The following ATXN10 variants were observed in gnomAD, a reference collection of about 807,000 sequenced individuals.
ATXN10 encodes the protein ataxin 10.
ATXN10 carries 28 observed loss-of-function variants against 52.9 expected under a neutral mutation model. The ratio of observed to expected loss-of-function variants is 0.53; its 90% CI spans 0.39 to 0.73. The LOEUF (loss-of-function observed/expected upper bound fraction) is 0.73, where lower values mean the gene tolerates loss of function less well. Ranked by LOEUF, ATXN10 falls within the 30% of genes least tolerant of loss-of-function variation. The pLI, the probability that ATXN10 is intolerant of heterozygous loss-of-function variation, is 0.00. For synonymous variants in ATXN10, 226 were observed against 221.5 expected (o/e 1.02, Z -0.18); for missense variants, 565 against 577.0 (o/e 0.98, Z 0.21).
At chr22:45,753,218 G>T (rs1003045341) in intron 9 of ATXN10, among the ~76,000 whole-genome samples, 9 of 122,548 alleles carry the variant, frequency 7.3e-5, no homozygotes, top group African/African-American at 1.9e-4. Flanking sequence ...TTTTCCCAGT[G>T]ATTTTTTTTT....
intron 3 of ATXN10, among the ~76,000 whole-genome samples, chr22:45,697,634 A>G (rs1302709161): frequency 6.6e-6 from 1 of 151,726 alleles, no homozygotes; most frequent in Non-Finnish European, 1.5e-5. Flanking sequence ...GTTTTTATTT[A>G]TTTATTTATT....
chr22:45,748,262 A>T (rs1220831436), intron 9 of ATXN10, among the ~76,000 whole-genome samples: 1 of 152,074 alleles, frequency 6.6e-6, no homozygotes, highest in Non-Finnish European at 1.5e-5. Flanking sequence ...CCTCCCTACC[A>T]GTCCCTTTGG....
chr22:45,702,381 A>G (rs1923874019), intron 4 of ATXN10, among the ~76,000 whole-genome samples: 1 of 152,160 alleles, frequency 6.6e-6, no homozygotes, highest in South Asian at 2.1e-4. Context: ...TTTTCTTTCT[A>G]ACAAGAATGA....
At chr22:45,779,741 G>A (rs1267828507) in intron 9 of ATXN10, among the ~76,000 whole-genome samples, 3 of 152,204 alleles carry the variant, frequency 2.0e-5, no homozygotes, top group Non-Finnish European at 4.4e-5. Flanking sequence ...ACAAGAAAGC[G>A]AAGACTTGAA....
At chr22:45,722,958 A>G (rs62225967) in intron 6 of ATXN10, among the ~76,000 whole-genome samples, 17 of 152,038 alleles carry the variant, frequency 1.1e-4, no homozygotes, top group Non-Finnish European at 1.8e-4. Context: ...TTCATTACCT[A>G]TTCAAGAAAT....
intron 9 of ATXN10, among the ~76,000 whole-genome samples, chr22:45,760,214 TCC>T (rs1285072598): frequency 6.6e-6 from 1 of 152,270 alleles, no homozygotes; most frequent in Non-Finnish European, 1.5e-5. Context: ...CAGATGACAT[TCC>T]CTATCTTCAT....
chr22:45,812,226 A>C (rs1432716492), intron 10 of ATXN10, among the ~76,000 whole-genome samples: 3 of 152,116 alleles, frequency 2.0e-5, no homozygotes, highest in African/African-American at 7.2e-5. Context: ...TCAGCTCATC[A>C]CAGGTTATTG....
At position 45,820,613 on chromosome 22, in the gene ATXN10, A is replaced by AT. The variant is rs2146899534; in HGVS notation, c.1237+13592dup. Among the ~76,000 whole-genome samples, 1 of 152,362 alleles carries AT rather than the reference A, an allele frequency of 6.6e-6. No homozygotes were observed. Among genetic ancestry groups the AT allele is most frequent in the East Asian group, 1.9e-4 (1 of 5,192 alleles). ...ACATTATCCCTTCATTGGAGAAAGT[A>AT]TAAAAATAAAGCTAACTTTTAGATG... On this transcript the variant is annotated intron_variant, in intron 10 of 11. Coordinates refer to ENST00000252934, the MANE Select transcript of ATXN10 (RefSeq NM_013236.4). The surrounding 1 kb of genome is among the most constrained non-coding windows in gnomAD (Gnocchi z 4.9).
Position 45,685,317 on chromosome 22 carries a change from T to C in ATXN10, c.117-4395T>C, listed in dbSNP as rs112008871. ...ATAATTCAAAGGATTTTTTTGGTTC[T>C]GTAATGTAACATTTCATTTATACAT... On this transcript the variant is annotated intron_variant, in intron 1 of 11. Transcript: ENST00000252934. Among the ~76,000 whole-genome samples the C allele has an allele frequency of 1.7e-3, 262 of 152,358 alleles. 1 individual carries two copies. The highest frequency in any genetic ancestry group is 5.6e-3 in the African/African-American group (232 of 41,596).
At chr22:45,751,259 C>T (rs1925936916) in intron 9 of ATXN10, among the ~76,000 whole-genome samples, 1 of 152,162 alleles carries the variant, frequency 6.6e-6, no homozygotes, top group South Asian at 2.1e-4. Context: ...ACTTTGTACA[C>T]CTCTTAACCC....
rs965400365 is a variant in ATXN10, at chr22:45,681,409, T to G, written c.117-8303T>G. Reference sequence around the variant, plus strand: ...TAGGGCCCTTGCTTCATCAAGTCTTTAACCTCACCAGGACCTACAGTCTTT... The same window carrying G: ...TAGGGCCCTTGCTTCATCAAGTCTTGAACCTCACCAGGACCTACAGTCTTT... On this transcript the variant is annotated intron_variant, in intron 1 of 11. Coordinates refer to ENST00000252934, the MANE Select transcript of ATXN10 (RefSeq NM_013236.4). The surrounding 1 kb of genome is among the most constrained non-coding windows in gnomAD (Gnocchi z 4.2). 6.6e-6 allele frequency among the ~76,000 whole-genome samples: 1 copy of G among 152,186 alleles called. No individual in the cohort carries two copies. The highest frequency in any genetic ancestry group is 1.9e-4 in the East Asian group (1 of 5,184).
chr22:45,767,040 C>T (rs1191553060), intron 9 of ATXN10, among the ~76,000 whole-genome samples: 5 of 152,148 alleles, frequency 3.3e-5, no homozygotes, highest in African/African-American at 1.2e-4. Context: ...AAAATGGAGC[C>T]GTCTTCGTAG....
chr22:45,800,140 TAAA>T (rs1927883153), intron 9 of ATXN10, among the ~76,000 whole-genome samples: 1 of 152,202 alleles, frequency 6.6e-6, no homozygotes, highest in African/African-American at 2.4e-5. Flanking sequence ...TCATCTATAT[TAAA>T]AAGTCAATGC....
rs75911901 is a variant in ATXN10 at position 45,790,482 on chromosome 22, C to T, written c.1174-16477C>T. ...TGTCTCCAGAAACCAATACTTCTTA[C>T]TTGTTGCCAACTAGCAGACCATAGC... On this transcript the variant is annotated intron_variant, in intron 9 of 11. Coordinates refer to ENST00000252934, the MANE Select transcript of ATXN10 (RefSeq NM_013236.4). This position sits in a 1 kb window ranked among gnomAD's most constrained non-coding sequence, Gnocchi z 4.7. Among the ~76,000 whole-genome samples, 1,424 of 152,334 alleles carry T rather than the reference C, an allele frequency of 9.3e-3. 11 individuals are homozygous for T. Among genetic ancestry groups the T allele is most frequent in the Middle Eastern group, 0.027 (8 of 294 alleles).
Position 45,769,172 on chromosome 22 carries a change from GTTGTTA to G in ATXN10, c.1173+28640_1173+28645del, listed in dbSNP as rs1318686798. On this transcript the variant is annotated intron_variant, in intron 9 of 11. Coordinates refer to ENST00000252934, the MANE Select transcript of ATXN10 (RefSeq NM_013236.4). The surrounding 1 kb of genome is among the most constrained non-coding windows in gnomAD (Gnocchi z 4.2). ...AAAAATGGTTAAAAATTTTTAAAGAGTTGTTATTGTTGTTGACCCGAGGTTGAGAGC... is the reference window on the plus strand; with the variant it reads ...AAAAATGGTTAAAAATTTTTAAAGAGTTGTTGTTGACCCGAGGTTGAGAGC... Among the ~76,000 whole-genome samples the G allele has an allele frequency of 6.6e-6, 1 of 152,048 alleles. No homozygotes were observed. Among genetic ancestry groups the G allele is most frequent in the African/African-American group, 2.4e-5 (1 of 41,388 alleles).
At position 45,750,389 on chromosome 22, in the gene ATXN10, C is replaced by G. The variant is rs1294786817; in HGVS notation, c.1173+9851C>G. 1.3e-5 allele frequency among the ~76,000 whole-genome samples: 2 copies of G among 152,112 alleles called. No individual in the cohort carries two copies. The highest frequency in any genetic ancestry group is 4.8e-5 in the African/African-American group (2 of 41,416). ...AGGATTACAGGTGTGAGTCACCACG[C>G]CCGGCCGACAACAGTGATTTTAAAT... On this transcript the variant is annotated intron_variant, in intron 9 of 11. Coordinates refer to ENST00000252934, the MANE Select transcript of ATXN10 (RefSeq NM_013236.4). This position sits in a 1 kb window ranked among gnomAD's most constrained non-coding sequence, Gnocchi z 4.2.
chr22:45,797,004 T>C (rs1336858217), intron 9 of ATXN10, among the ~76,000 whole-genome samples: 1 of 152,212 alleles, frequency 6.6e-6, no homozygotes, highest in East Asian at 1.9e-4. Flanking sequence ...TATTTCATAA[T>C]GATTAAAGGG....
Position 45,816,143 on chromosome 22 carries a change from C to T in ATXN10, c.1237+9121C>T, listed in dbSNP as rs1173437839. 6.6e-6 allele frequency among the ~76,000 whole-genome samples: 1 copy of T among 152,074 alleles called. No individual in the cohort carries two copies. The highest frequency in any genetic ancestry group is 1.5e-5 in the Non-Finnish European group (1 of 68,020). On this transcript the variant is annotated intron_variant, in intron 10 of 11. Coordinates refer to ENST00000252934, the MANE Select transcript of ATXN10 (RefSeq NM_013236.4). The surrounding 1 kb of genome is among the most constrained non-coding windows in gnomAD (Gnocchi z 5.8). ...TGGCACGCACCCTTAGTCCCAGCTA[C>T]TCGGGAGGCTGAGGCAGGAGAATCG...
intron 9 of ATXN10, among the ~76,000 whole-genome samples, chr22:45,747,001 C>T (rs1193040877): frequency 6.6e-6 from 1 of 152,158 alleles, no homozygotes; most frequent in Admixed American, 6.5e-5. Context: ...ACTGTAGCAG[C>T]CTCCATCCCT....
Sources: gnomAD v4.1 joint callset for allele counts (sites outside exome capture counted in the v4.1 genomes callset) on GRCh38, gnomAD v4.1.1 for gene constraint, Gnocchi (gnomAD v3.1) non-coding constraint, MANE v1.5 for transcripts, NCBI Gene and HGNC (gene_info 2026-07-23, HGNC 2026-07-21) for gene names.